Variants in NOL10 observed in about 807,000 individuals in gnomAD.
The protein encoded by NOL10 is nucleolar protein 10.
In NOL10, 58 loss-of-function variants were observed where a neutral mutation model predicts 103.5. The ratio of observed to expected loss-of-function variants is 0.56; its 90% CI spans 0.45 to 0.70. The LOEUF (loss-of-function observed/expected upper bound fraction) is 0.70, where lower values mean the gene tolerates loss of function less well. Ranked by LOEUF, NOL10 falls within the 30% of genes least tolerant of loss-of-function variation. The pLI is 0.00. For missense variants in NOL10, 763 were observed against 807.3 expected, an observed-to-expected ratio of 0.95 and a Z score of 0.67; for synonymous variants, 287 against 282.5, an observed-to-expected ratio of 1.02 and a Z score of -0.16.
intron 17 of NOL10, among the ~76,000 whole-genome samples, chr2:10,592,023 CA>C (rs1335880146): frequency 1.4e-4 from 9 of 66,638 alleles, no homozygotes; most frequent in East Asian, 2.9e-4. Context: ...AACAAACAAA[CA>C]AACCAACCCA....
intron 13 of NOL10, among the ~76,000 whole-genome samples, chr2:10,638,664 T>C (rs1164273213): frequency 6.6e-6 from 1 of 151,082 alleles, no homozygotes; most frequent in Non-Finnish European, 1.5e-5. Flanking sequence ...GCTGATTTTT[T>C]GTCTCTTTAG....
chr2:10,589,732 G>C lies in NOL10; in HGVS notation c.1442C>G (p.Thr481Ser). ...AAACATAACTTTAAATCGATCATCG[G>C]TGAGAATATTAGGAAGACTCTACAA... ...KKVKSLPNIL[T>S]DDRFKVMFEN... The change falls in exon 18 of 21, where the codon ACC (threonine) becomes AGC (serine). Residue 481 changes from threonine (T) to serine (S), a missense_variant. Thr to Ser is a moderately conservative substitution (Grantham distance 58). Coordinates refer to ENST00000381685, the MANE Select transcript of NOL10 (RefSeq NM_024894.4). 1.3e-6 allele frequency: 2 copies of C among 1,547,072 alleles called. No individual in the cohort carries two copies. Among genetic ancestry groups the C allele is most frequent in the Non-Finnish European group, 1.7e-6 (2 of 1,151,002 alleles).
chr2:10,598,196 A>T (rs767888969), intron 17 of NOL10, among the ~76,000 whole-genome samples: 1 of 152,156 alleles, frequency 6.6e-6, no homozygotes, highest in Non-Finnish European at 1.5e-5. Context: ...ATCCCTACGT[A>T]AATAATGGGT....
intron 6 of NOL10, among the ~76,000 whole-genome samples, chr2:10,669,904 A>G (rs539532374): frequency 6.7e-6 from 1 of 148,696 alleles, no homozygotes; most frequent in African/African-American, 2.6e-5. Context: ...TAATAATAAT[A>G]ATAATAATGA....
At chr2:10,647,563 C>T (rs757965967) in intron 12 of NOL10, among the ~76,000 whole-genome samples, 2 of 152,198 alleles carry the variant, frequency 1.3e-5, no homozygotes, top group African/African-American at 2.4e-5. Flanking sequence ...TCCTTCACCA[C>T]ACGTGTTGGG....
chr2:10,632,885 T>C (rs1320983871), intron 13 of NOL10, among the ~76,000 whole-genome samples: 1 of 152,218 alleles, frequency 6.6e-6, no homozygotes, highest in Non-Finnish European at 1.5e-5. Flanking sequence ...CCCAGGCTAG[T>C]CTGAAACTCC....
intron 17 of NOL10, among the ~76,000 whole-genome samples, chr2:10,599,282 C>A (rs1675853935): frequency 6.6e-6 from 1 of 152,234 alleles, no homozygotes; most frequent in South Asian, 2.1e-4. Context: ...TACTCTCTAT[C>A]TACTGAAGCC....
intron 19 of NOL10, among the ~76,000 whole-genome samples, chr2:10,582,049 G>C (rs377439105): frequency 6.6e-6 from 1 of 152,170 alleles, no homozygotes; most frequent in Admixed American, 6.5e-5. Context: ...TACTGAGGAC[G>C]TATTCCTTGA....
chr2:10,652,421 A>G (rs73915075), intron 12 of NOL10, among the ~76,000 whole-genome samples: 40 of 152,242 alleles, frequency 2.6e-4, no homozygotes, highest in African/African-American at 9.4e-4. Flanking sequence ...AAAGAAAAAA[A>G]AAAGCCATGG....
chr2:10,608,342 T>C (rs554439167), intron 13 of NOL10, among the ~76,000 whole-genome samples: 2 of 152,314 alleles, frequency 1.3e-5, no homozygotes, highest in South Asian at 2.1e-4. Flanking sequence ...AATCCAACTA[T>C]GAAAAAATAT....
chr2:10,684,425 A>G, intron 2 of NOL10, 142 bp downstream of exon 2: 1 of 687,212 alleles, frequency 1.5e-6, no homozygotes, highest in African/African-American at 1.8e-5. Flanking sequence ...AAAGGAAAAA[A>G]AAGAAAAGGG....
At chr2:10,667,689 T>C (rs950169231) in intron 7 of NOL10, among the ~76,000 whole-genome samples, 1 of 152,220 alleles carries the variant, frequency 6.6e-6, no homozygotes, top group African/African-American at 2.4e-5. Context: ...TCTCATTTTC[T>C]TTCTCTGTAA....
intron 13 of NOL10, among the ~76,000 whole-genome samples, chr2:10,618,593 T>A (rs911534846): frequency 6.6e-6 from 1 of 152,230 alleles, no homozygotes; most frequent in Admixed American, 6.5e-5. Context: ...GTATTTTTAT[T>A]TTTTTGTATT....
chr2:10,589,350 T>C, intron 18 of NOL10, 60 bp from the exon 19 acceptor site: 5 of 1,595,776 alleles, frequency 3.1e-6, no homozygotes, highest in Non-Finnish European at 4.3e-6. Context: ...GACCCCTTGG[T>C]TTCTCTGAAG....
intron 13 of NOL10, among the ~76,000 whole-genome samples, chr2:10,621,376 T>C (rs1383774641): frequency 1.3e-5 from 2 of 152,040 alleles, no homozygotes; most frequent in African/African-American, 2.4e-5. Flanking sequence ...GGAGTATCGT[T>C]TGAGCCCAGG....
chr2:10,639,838 TA>T (rs936639807), intron 13 of NOL10, among the ~76,000 whole-genome samples: 30 of 151,610 alleles, frequency 2.0e-4, no homozygotes, highest in Non-Finnish European at 4.0e-4. Context: ...CTGAGAGAAT[TA>T]AAAAAATAAA....
chr2:10,589,700 G>A lies in NOL10; in HGVS notation c.1474C>T (p.Pro492Ser). 8.9e-6 allele frequency: 14 copies of A among 1,580,656 alleles called. No individual in the cohort carries two copies. The highest frequency in any genetic ancestry group is 1.1e-5 in the Non-Finnish European group (13 of 1,165,358). The change falls in exon 18 of 21, where the codon CCT becomes TCT. Residue 492 changes from proline (P) to serine (S), a missense_variant. Transcript: ENST00000381685. ...CTCTCTTCATCTACTTGGAAGTCAG[G>A]GTTCTCAAACATAACTTTAAATCGA... is the stretch of plus-strand genomic sequence containing the variant. ...DDRFKVMFEN[P>S]DFQVDEESEE...
rs1674204156 is a variant in NOL10 at position 10,572,045 on chromosome 2, A to G, written c.*26T>C. 6.2e-7 allele frequency: 1 copy of G among 1,611,688 alleles called. No individual in the cohort carries two copies. Among genetic ancestry groups the G allele is most frequent in the African/African-American group, 1.3e-5 (1 of 74,846 alleles). On this transcript the variant is annotated 3_prime_UTR_variant, in exon 21 of 21. Transcript: ENST00000381685. ...GTTTGGGGGAGACGTACCCCTCCCT[A>G]ATCACAGGTAGGACCACTTCCCAAA...
chr2:10,674,332 T>C, intron 4 of NOL10, among the ~76,000 whole-genome samples: 1 of 152,210 alleles, frequency 6.6e-6, no homozygotes, highest in Admixed American at 6.5e-5. Flanking sequence ...TCCCAAATTC[T>C]AGGCCAACTG....
Sources: allele counts gnomAD v4.1 joint callset (sites outside exome capture counted in the v4.1 genomes callset), GRCh38; gene constraint gnomAD v4.1.1; transcripts MANE v1.5; gene names NCBI Gene and HGNC (gene_info 2026-07-23, HGNC 2026-07-21).